The following KAT7 variants were observed in gnomAD, a reference collection of about 807,000 sequenced individuals.
KAT7 encodes lysine acetyltransferase 7, also known as histone acetyltransferase KAT7.
KAT7 carries 10 observed loss-of-function variants against 82.1 expected under a neutral mutation model. That is an observed-to-expected ratio of 0.12 (90% confidence interval 0.08 to 0.21). The LOEUF (loss-of-function observed/expected upper bound fraction) is 0.21. Ranked by LOEUF, KAT7 falls within the 10% of genes least tolerant of loss-of-function variation. The pLI, the probability that KAT7 is intolerant of heterozygous loss-of-function variation, is 1.00. For synonymous variants in KAT7, 250 were observed against 262.5 expected (o/e 0.95, Z 0.46); for missense variants, 378 against 760.9 (o/e 0.50, Z 5.92).
At chr17:49,805,488 T>G (rs377283545) in intron 5 of KAT7, 43 bp downstream of exon 5, 16 of 1,445,878 alleles carry the variant, frequency 1.1e-5, no homozygotes, top group Non-Finnish European at 1.4e-5. Context: ...TATTGAGTGC[T>G]TACCGTTTGC....
chr17:49,811,995 T>C (rs2143929778), intron 7 of KAT7, among the ~76,000 whole-genome samples: 2 of 152,332 alleles, frequency 1.3e-5, no homozygotes, highest in South Asian at 4.1e-4. Context: ...GGGTGAATAT[T>C]CTGTAATAGA....
rs2144002417 is a variant in KAT7, at chr17:49,827,688, T to C, written c.*186T>C. 1 of 594,288 alleles carries C rather than the reference T, an allele frequency of 1.7e-6. No individual in the cohort carries two copies. The highest frequency in any genetic ancestry group is 2.8e-5 in the East Asian group (1 of 36,168). The allele number at this position is 594,288 out of a possible 1,614,324, so 36.8% of individuals were successfully genotyped here. On this transcript the variant is annotated 3_prime_UTR_variant, in exon 15 of 15. Transcript: ENST00000259021. ...GCAGACGCTGGTTCTGAGGAACTGT[T>C]GTTTCGGCCTCAGTGAGGTTGCCTG...
At chr17:49,803,916 G>A (rs1267133379) in intron 4 of KAT7, among the ~76,000 whole-genome samples, 1 of 146,426 alleles carries the variant, frequency 6.8e-6, no homozygotes, top group Non-Finnish European at 1.5e-5. Flanking sequence ...TATGAAAGAT[G>A]AAGATTTTTG....
intron 8 of KAT7, among the ~76,000 whole-genome samples, chr17:49,816,813 G>A (rs1445971451): frequency 6.6e-6 from 1 of 151,878 alleles, no homozygotes; most frequent in Non-Finnish European, 1.5e-5. Context: ...ATGGATATCC[G>A]AATTTTTTTT....
At chr17:49,820,711 G>T (rs138656939) in intron 9 of KAT7, among the ~76,000 whole-genome samples, 137 of 149,930 alleles carry the variant, frequency 9.1e-4, no homozygotes, top group African/African-American at 3.3e-3. Context: ...GTGGCCAAGT[G>T]ACCCTAGCTT....
intron 6 of KAT7, 49 bp from the exon 7 acceptor site, chr17:49,811,427 C>T (rs916992864): frequency 2.0e-6 from 2 of 994,974 alleles, no homozygotes; most frequent in East Asian, 2.6e-5. Context: ...CATTTTGAAG[C>T]TTAGCTTTAT....
rs541284278 is a variant in KAT7 at position 49,815,537 on chromosome 17, G to C, written c.853-266G>C. ...AAGGAACAGCGTTCTGATCCACAAA[G>C]TGTATCTTTTCAGAGATAGAAGAAT... On this transcript the variant is annotated intron_variant, in intron 7 of 14. Coordinates refer to ENST00000259021, the MANE Select transcript of KAT7 (RefSeq NM_007067.5). 1.7e-4 allele frequency: 55 copies of C among 320,414 alleles called. 1 individual carries two copies. In the East Asian group the frequency reaches 2.8e-3, roughly 16 times the overall value. 19.8% of individuals were successfully genotyped at this position (320,414 alleles called of 1,614,324 possible).
Position 49,828,511 on chromosome 17 carries a change from A to C in KAT7, c.*1009A>C, listed in dbSNP as rs1567868245. The C allele has an allele frequency of 6.6e-6, 1 of 152,588 alleles. No homozygotes were observed. Among genetic ancestry groups the C allele is most frequent in the Non-Finnish European group, 1.5e-5 (1 of 68,066 alleles). 9.5% of individuals were successfully genotyped at this position (152,588 alleles called of 1,614,324 possible). On this transcript the variant is annotated 3_prime_UTR_variant, in exon 15 of 15. Transcript: ENST00000259021. ...GAAAGTGACTTCCGTATCTCAGCCC[A>C]TGACTCAGCAAGGCAGAATGGCCAC...
chr17:49,825,098 A>T (rs1158917211), intron 12 of KAT7, among the ~76,000 whole-genome samples: 1 of 151,916 alleles, frequency 6.6e-6, no homozygotes, highest in East Asian at 1.9e-4. Context: ...CACTCCCATC[A>T]TTTTTTTCTT....
intron 4 of KAT7, among the ~76,000 whole-genome samples, chr17:49,800,761 C>T (rs1008917518): frequency 3.9e-5 from 6 of 152,036 alleles, no homozygotes; most frequent in South Asian, 2.1e-4. Context: ...AATAGATAGA[C>T]GTGTAATATA....
chr17:49,804,466 A>G (rs11079877), intron 4 of KAT7, among the ~76,000 whole-genome samples: 5 of 152,146 alleles, frequency 3.3e-5, no homozygotes, highest in Admixed American at 2.0e-4. Flanking sequence ...TAACATTTTT[A>G]CGTCTTCAGA....
chr17:49,791,313 T>C (rs1197191747), intron 1 of KAT7, among the ~76,000 whole-genome samples: 2 of 152,216 alleles, frequency 1.3e-5, no homozygotes, highest in Non-Finnish European at 2.9e-5. Context: ...TTTTGTGATA[T>C]TGATCTCCAA....
In KAT7 at chr17:49,817,887, G is replaced by T. The variant is rs375776451; in HGVS notation, c.1031G>T (p.Arg344Leu). The T allele has an allele frequency of 1.9e-6, 3 of 1,613,224 alleles. No homozygotes were observed. The highest frequency in any genetic ancestry group is 2.7e-5 in the African/African-American group (2 of 74,920). ...ATGATTAAAACAATTGCTTTTGGCC[G>T]CTATGAGCTTGATACCTGGTATCAT... ...SNMIKTIAFGRYELDTWYHSP... is the reference protein window; with the variant it reads ...SNMIKTIAFGLYELDTWYHSP... The change falls in exon 9 of 15, where the codon CGC (arginine) becomes CTC (leucine). Residue 344 changes from arginine to leucine, a missense_variant. Around this residue, in one of 6 missense-constraint regions of KAT7, gnomAD observed 37 missense variants for 98.6 expected, o/e 0.38. Transcript: ENST00000259021.
chr17:49,798,259 T>C (rs1175364261), intron 3 of KAT7, 60 bp from the exon 4 acceptor site: 8 of 1,536,720 alleles, frequency 5.2e-6, no homozygotes, highest in Admixed American at 3.5e-5. Flanking sequence ...AAACTCTGAA[T>C]AGTAAACTTC....
At chr17:49,788,926 CACAG>C (rs2073844266) in intron 1 of KAT7, 77 bp downstream of exon 1, 7 of 1,377,764 alleles carry the variant, frequency 5.1e-6, no homozygotes, top group Non-Finnish European at 6.9e-6. Flanking sequence ...GGCCACGCCT[CACAG>C]TGCTTGGGTC....
chr17:49,805,593 T>C, intron 5 of KAT7, 148 bp downstream of exon 5: 1 of 493,196 alleles, frequency 2.0e-6, no homozygotes, highest in Non-Finnish European at 3.6e-6. Context: ...AAAAACAATG[T>C]GCTTTTTTAG....
chr17:49,809,589 C>T (rs2074136201), intron 6 of KAT7, among the ~76,000 whole-genome samples: 1 of 152,170 alleles, frequency 6.6e-6, no homozygotes, highest in African/African-American at 2.4e-5. Context: ...CAGCATTTGA[C>T]ACTTGCTGAC....
Position 49,798,416 on chromosome 17 carries a change from T to C in KAT7, c.438T>C (p.Asn146=). 2 of 1,614,206 alleles carry C rather than the reference T, an allele frequency of 1.2e-6. No homozygotes were observed. The highest frequency in any genetic ancestry group is 1.3e-5 in the African/African-American group (1 of 75,052). The change falls in exon 4 of 15, where the codon AAT becomes AAC. Residue 146 remains asparagine, a synonymous_variant. Coordinates refer to ENST00000259021, the MANE Select transcript of KAT7 (RefSeq NM_007067.5). ...SESDIDISSP[N]VSHDESIAKD... ...CTGACATAGACATCTCCAGCCCCAATGTATCTCACGATGAGAGCATTGCCA... is the reference window on the plus strand; with the variant it reads ...CTGACATAGACATCTCCAGCCCCAACGTATCTCACGATGAGAGCATTGCCA...
intron 3 of KAT7, 60 bp downstream of exon 3, chr17:49,796,986 A>C: frequency 1.3e-6 from 2 of 1,493,126 alleles, no homozygotes; most frequent in Non-Finnish European, 1.9e-6. Flanking sequence ...ATTCTTTTTA[A>C]GGAGGGCTTG....
Sources: allele counts gnomAD v4.1 joint callset (sites outside exome capture counted in the v4.1 genomes callset), GRCh38; gene constraint gnomAD v4.1.1; regional missense constraint gnomAD v4.1.1; transcripts MANE v1.5; gene names NCBI Gene and HGNC (gene_info 2026-07-23, HGNC 2026-07-21).